Variants in DEPDC1B observed in about 807,000 individuals in gnomAD.
DEPDC1B encodes DEP domain containing 1B, also known as DEP domain-containing protein 1B.
In DEPDC1B, 51 loss-of-function variants were observed where a neutral mutation model predicts 66.5. That is an observed-to-expected ratio of 0.77 (90% CI 0.61 to 0.97). The LOEUF (loss-of-function observed/expected upper bound fraction) is 0.97, where lower values mean the gene tolerates loss of function less well. Among genes scored for constraint, DEPDC1B ranks in the 50% least tolerant of loss-of-function variants. The pLI is 0.00. For missense variants in DEPDC1B, 552 were observed against 637.1 expected (o/e 0.87, Z 1.44); for synonymous variants, 226 against 223.6 (o/e 1.01, Z -0.10).
intron 7 of DEPDC1B, among the ~76,000 whole-genome samples, chr5:60,611,828 A>T (rs79316267): frequency 1.6e-3 from 247 of 152,338 alleles, no homozygotes; most frequent in African/African-American, 5.6e-3. Flanking sequence ...CATAACATAA[A>T]AGTGCAAGGT....
chr5:60,600,491 T>A (rs1383992263), intron 9 of DEPDC1B, among the ~76,000 whole-genome samples: 1 of 152,152 alleles, frequency 6.6e-6, no homozygotes, highest in Non-Finnish European at 1.5e-5. Context: ...CAACACTGCA[T>A]TTTCAGAGAA....
intron 2 of DEPDC1B, among the ~76,000 whole-genome samples, chr5:60,666,467 A>G (rs551099167): frequency 2.0e-5 from 3 of 152,096 alleles, no homozygotes; most frequent in South Asian, 4.2e-4. Context: ...TAACACCTCG[A>G]TGTGGTACTC....
At chr5:60,616,910 G>C (rs1278300600) in intron 7 of DEPDC1B, among the ~76,000 whole-genome samples, 2 of 152,164 alleles carry the variant, frequency 1.3e-5, no homozygotes, top group African/African-American at 2.4e-5. Context: ...ACCCACAAAG[G>C]GAAGCCCATT....
intron 2 of DEPDC1B, among the ~76,000 whole-genome samples, chr5:60,653,062 T>C (rs1753492511): frequency 6.7e-6 from 1 of 149,418 alleles, no homozygotes; most frequent in South Asian, 2.2e-4. Context: ...ATTGTGCTGC[T>C]ATAAACATGT....
At chr5:60,644,656 G>A in intron 5 of DEPDC1B, 89 bp downstream of exon 5, 1 of 1,106,566 alleles carries the variant, frequency 9.0e-7, no homozygotes. Flanking sequence ...ACTTATTCAG[G>A]GTTTAGGGAA....
rs567387927 is a variant in DEPDC1B, at chr5:60,651,631, A to T, written c.315-4098T>A. Among the ~76,000 whole-genome samples the T allele has an allele frequency of 2.0e-5, 3 of 152,328 alleles. No homozygotes were observed. In the East Asian group the frequency reaches 5.8e-4, roughly 29 times the overall value. ...GTTTTATTACACAACAGATAACTAG[A>T]AAAGAAATGTGTGGTATCTGCAACA... On this transcript the variant is annotated intron_variant, in intron 2 of 10. Coordinates refer to ENST00000265036, the MANE Select transcript of DEPDC1B (RefSeq NM_018369.3).
chr5:60,667,910 TA>T (rs1394517607), intron 2 of DEPDC1B, among the ~76,000 whole-genome samples: 5 of 91,772 alleles, frequency 5.4e-5, no homozygotes, highest in African/African-American at 1.8e-4. Context: ...ATTTTATATA[TA>T]TAAAAAATGG....
chr5:60,599,263 G>A lies in DEPDC1B; in HGVS notation c.1243-3C>T, dbSNP rs149114192. 1.6e-4 allele frequency: 260 copies of A among 1,585,834 alleles called. 1 individual carries two copies. The African/African-American group carries it at 3.2e-3, about 19-fold the overall frequency. Reference sequence around the variant, plus strand: ...ATATCAGCTCCTGGGTATTTTATCTGAGGCAAAAGGATTAGTAGTGAAAGA... The same window carrying A: ...ATATCAGCTCCTGGGTATTTTATCTAAGGCAAAAGGATTAGTAGTGAAAGA... On this transcript the variant is annotated splice_polypyrimidine_tract_variant and splice_region_variant and intron_variant, in intron 9 of 10. Transcript: ENST00000265036.
chr5:60,667,594 A>AAGTGGATATTTTACATATATAAAAAAG (rs199555945), intron 2 of DEPDC1B, among the ~76,000 whole-genome samples: 1 of 139,478 alleles, frequency 7.2e-6, no homozygotes, highest in South Asian at 2.2e-4. Flanking sequence ...ATATATAAAA[A>AAGTGGATATTTTACATATATAAAAAAG]TGGATATTTT....
intron 2 of DEPDC1B, among the ~76,000 whole-genome samples, chr5:60,685,374 G>A (rs1475796676): frequency 1.3e-5 from 2 of 149,850 alleles, no homozygotes; most frequent in East Asian, 1.9e-4. Flanking sequence ...AAGCCATAAT[G>A]AACTTTCAGG....
intron 2 of DEPDC1B, among the ~76,000 whole-genome samples, chr5:60,683,186 T>A (rs1226460459): frequency 6.6e-6 from 1 of 152,082 alleles, no homozygotes; most frequent in Admixed American, 6.5e-5. Context: ...TCCCAGCACT[T>A]TGGGAAGCTG....
At chr5:60,630,842 T>C (rs1752909136) in intron 7 of DEPDC1B, 1 of 157,720 alleles carries the variant, frequency 6.3e-6, no homozygotes, top group African/African-American at 2.4e-5. Context: ...TAGCAGAATA[T>C]TGTGCTCCTG....
intron 2 of DEPDC1B, among the ~76,000 whole-genome samples, chr5:60,652,902 A>G (rs2111909436): frequency 6.7e-6 from 1 of 149,316 alleles, no homozygotes; most frequent in Admixed American, 6.6e-5. Flanking sequence ...ATGGTCTCCA[A>G]TTTCATCCAG....
At chr5:60,644,043 T>C (rs1199936845) in intron 5 of DEPDC1B, among the ~76,000 whole-genome samples, 6 of 152,180 alleles carry the variant, frequency 3.9e-5, no homozygotes, top group Non-Finnish European at 5.9e-5. Context: ...GATCATCAAG[T>C]TCCAGCCAAT....
chr5:60,660,092 C>T (rs1753673193), intron 2 of DEPDC1B, among the ~76,000 whole-genome samples: 1 of 151,888 alleles, frequency 6.6e-6, no homozygotes, highest in South Asian at 2.1e-4. Flanking sequence ...CAAATGGGGG[C>T]AACAAGCAAA....
chr5:60,676,873 TATA>T (rs1561388735), intron 2 of DEPDC1B, among the ~76,000 whole-genome samples: 1 of 152,190 alleles, frequency 6.6e-6, no homozygotes, highest in African/African-American at 2.4e-5. Context: ...TACAGTCTGG[TATA>T]ATATTATAGG....
At chr5:60,600,956 C>G (rs1752188324) in intron 9 of DEPDC1B, among the ~76,000 whole-genome samples, 1 of 152,120 alleles carries the variant, frequency 6.6e-6, no homozygotes, top group African/African-American at 2.4e-5. Flanking sequence ...CAGGGTGGTT[C>G]CCCCCATGCT....
At chr5:60,690,540 T>C (rs1754518392) in intron 1 of DEPDC1B, among the ~76,000 whole-genome samples, 1 of 152,238 alleles carries the variant, frequency 6.6e-6, no homozygotes, top group Non-Finnish European at 1.5e-5. Flanking sequence ...AACATCTTTT[T>C]AGGAACGTAG....
intron 2 of DEPDC1B, among the ~76,000 whole-genome samples, chr5:60,675,729 C>T (rs997113305): frequency 1.3e-5 from 2 of 152,058 alleles, no homozygotes; most frequent in Admixed American, 1.3e-4. Context: ...TTCAGCCCCA[C>T]GGCTAGCATT....
Sources: allele counts gnomAD v4.1 joint callset (sites outside exome capture counted in the v4.1 genomes callset), GRCh38; gene constraint gnomAD v4.1.1; transcripts MANE v1.5; gene names NCBI Gene and HGNC (gene_info 2026-07-23, HGNC 2026-07-21).